The following TXN2 variants were observed in gnomAD, a reference collection of about 807,000 sequenced individuals.
The protein encoded by TXN2 is thioredoxin, mitochondrial.
TXN2 carries 12 observed loss-of-function variants against 14.6 expected under a neutral mutation model. That is an observed-to-expected ratio of 0.82 (90% CI 0.53 to 1.33). The LOEUF (loss-of-function observed/expected upper bound fraction) is 1.33, where lower values mean the gene tolerates loss of function less well. Ranked by LOEUF, TXN2 falls within the 40% of genes most tolerant of loss-of-function variation. The pLI is 0.00. For synonymous variants in TXN2, 89 were observed against 81.0 expected, an observed-to-expected ratio of 1.10 and a Z score of -0.53; for missense variants, 173 against 207.7, an observed-to-expected ratio of 0.83 and a Z score of 1.03.
chr22:36,478,473 C>T lies in TXN2; in HGVS notation c.264-1617G>A, dbSNP rs551865824. ...TTTCACAAACCCCTGGCTGACAACTCCTATTTTATTCTCAGCACTTACTTA... is the reference window on the plus strand; with the variant it reads ...TTTCACAAACCCCTGGCTGACAACTTCTATTTTATTCTCAGCACTTACTTA... On this transcript the variant is annotated intron_variant, in intron 2 of 3. Coordinates refer to ENST00000216185, the MANE Select transcript of TXN2 (RefSeq NM_012473.4). Among the ~76,000 whole-genome samples the T allele has an allele frequency of 3.3e-5, 5 of 152,292 alleles. No homozygotes were observed. In the East Asian group the frequency reaches 9.6e-4, roughly 29 times the overall value.
At chr22:36,474,868 C>G (rs1443398436) in intron 3 of TXN2, among the ~76,000 whole-genome samples, 2 of 152,200 alleles carry the variant, frequency 1.3e-5, no homozygotes, top group Admixed American at 6.5e-5. Flanking sequence ...TCCCCTTTCT[C>G]CAGGTAGTGG....
At position 36,467,647 on chromosome 22, in the gene TXN2, G is replaced by A; in HGVS notation, c.*157C>T. 1.5e-6 allele frequency: 1 copy of A among 655,544 alleles called. No homozygotes were observed. The highest frequency in any genetic ancestry group is 2.7e-6 in the Non-Finnish European group (1 of 369,752). The allele number at this position is 655,544 out of a possible 1,614,324, so 40.6% of individuals were successfully genotyped here. A position where few individuals can be genotyped will look rare whatever the true frequency, so the allele number is the denominator to read the frequency against. On this transcript the variant is annotated 3_prime_UTR_variant, in exon 4 of 4. Coordinates refer to ENST00000216185, the MANE Select transcript of TXN2 (RefSeq NM_012473.4). ...ACCATCCTCTGATGGCCCCTGGGCA[G>A]TCCGCCAGCTCGGAAGCACTCAGGG...
At chr22:36,476,553 T>C (rs1458590365) in intron 3 of TXN2, among the ~76,000 whole-genome samples, 180 bp downstream of exon 3, 1 of 151,928 alleles carries the variant, frequency 6.6e-6, no homozygotes, top group Non-Finnish European at 1.5e-5. Context: ...GATCATGCCA[T>C]TGCACTCTAG....
rs186627101 is a variant in TXN2 at position 36,469,625 on chromosome 22, G to A, written c.388-1708C>T. Among the ~76,000 whole-genome samples, 28 of 152,328 alleles carry A rather than the reference G, an allele frequency of 1.8e-4. No homozygotes were observed. In the East Asian group the frequency reaches 3.5e-3, roughly 19 times the overall value. ...GAGGTCTCTGCTGCCTGGGATCCCTGCCTGGCATTCGTGGGCATTTGAGAA... is the reference window on the plus strand; with the variant it reads ...GAGGTCTCTGCTGCCTGGGATCCCTACCTGGCATTCGTGGGCATTTGAGAA... On this transcript the variant is annotated intron_variant, in intron 3 of 3. Transcript: ENST00000216185.
At chr22:36,474,555 G>A (rs976425150) in intron 3 of TXN2, among the ~76,000 whole-genome samples, 6 of 152,180 alleles carry the variant, frequency 3.9e-5, no homozygotes, top group Non-Finnish European at 8.8e-5. Flanking sequence ...GAAGGAGGGA[G>A]GGGTGAAGGC....
chr22:36,474,425 G>A (rs1045066346), intron 3 of TXN2, among the ~76,000 whole-genome samples: 12 of 152,148 alleles, frequency 7.9e-5, no homozygotes, highest in Admixed American at 3.9e-4. Flanking sequence ...ATTTCTTGCT[G>A]CAGGAGACTG....
intron 3 of TXN2, among the ~76,000 whole-genome samples, chr22:36,471,689 A>C (rs6519008): frequency 0.17 from 26,309 of 152,130 alleles, 3,088 homozygotes; most frequent in African/African-American, 0.33. Flanking sequence ...GTGGTGTAGG[A>C]CAGGCGCGGC....
chr22:36,480,541 G>C (rs774591349), intron 2 of TXN2, 34 bp downstream of exon 2: 2 of 1,600,082 alleles, frequency 1.2e-6, no homozygotes, highest in Non-Finnish European at 1.7e-6. Context: ...TGAACAAGTA[G>C]GACCCTAGTC....
chr22:36,470,962 C>T (rs887111923), intron 3 of TXN2, among the ~76,000 whole-genome samples: 12 of 151,148 alleles, frequency 7.9e-5, no homozygotes, highest in African/African-American at 2.2e-4. Context: ...AACACACACA[C>T]GCATACACAC....
At position 36,481,123 on chromosome 22, in the gene TXN2, T is replaced by C. The variant is rs144150826; in HGVS notation, c.1-286A>G. 6.5e-5 allele frequency: 22 copies of C among 340,844 alleles called. No homozygotes were observed. The East Asian group carries it at 1.1e-3, about 17-fold the overall frequency. 21.1% of individuals were successfully genotyped at this position (340,844 alleles called of 1,614,324 possible). Reference sequence around the variant, plus strand: ...AGGAAGAAACCAACAGATTTAATAATGTATGTAAGGACCAAGTACCTTACA... The same window carrying C: ...AGGAAGAAACCAACAGATTTAATAACGTATGTAAGGACCAAGTACCTTACA... On this transcript the variant is annotated intron_variant, in intron 1 of 3. Transcript: ENST00000216185.
chr22:36,472,807 A>G (rs1407458130), intron 3 of TXN2, among the ~76,000 whole-genome samples: 2 of 152,130 alleles, frequency 1.3e-5, no homozygotes, highest in Non-Finnish European at 2.9e-5. Context: ...ACTGGCAAGC[A>G]GTCTGTGCTG....
At position 36,468,719 on chromosome 22, in the gene TXN2, T is replaced by A. The variant is rs544986768; in HGVS notation, c.388-802A>T. ...CAGCCTGGGTGACAGAGACCCTGCC[T>A]CAAAAAAAAAGAGAAAGATTTGAGT... On this transcript the variant is annotated intron_variant, in intron 3 of 3. Transcript: ENST00000216185. 823 of 425,198 alleles carry A rather than the reference T, an allele frequency of 1.9e-3. 4 individuals are homozygous for A. The highest frequency in any genetic ancestry group is 2.9e-3 in the Non-Finnish European group (628 of 217,948). The allele number at this position is 425,198 out of a possible 1,614,324, so 26.3% of individuals were successfully genotyped here.
intron 1 of TXN2, 102 bp downstream of exon 1, chr22:36,481,462 G>C (rs1289432199): frequency 2.1e-6 from 1 of 469,198 alleles, no homozygotes; most frequent in African/African-American, 2.1e-5. Flanking sequence ...TCTCCGGCGA[G>C]CTAGATCCCC....
chr22:36,478,006 G>A (rs1050216055), intron 2 of TXN2, among the ~76,000 whole-genome samples: 4 of 152,066 alleles, frequency 2.6e-5, no homozygotes, highest in Admixed American at 1.3e-4. Flanking sequence ...GAGTGGTGGT[G>A]TGCGCCTGTA....
At chr22:36,470,280 T>C (rs1385073675) in intron 3 of TXN2, among the ~76,000 whole-genome samples, 2 of 152,204 alleles carry the variant, frequency 1.3e-5, no homozygotes, top group East Asian at 3.9e-4. Flanking sequence ...GTCCTTGTCC[T>C]TGTTAGTGCC....
chr22:36,471,590 A>G (rs1221310831), intron 3 of TXN2, among the ~76,000 whole-genome samples: 2 of 152,092 alleles, frequency 1.3e-5, no homozygotes, highest in African/African-American at 4.8e-5. Flanking sequence ...ACCTCTATAC[A>G]CTATCTCACA....
rs201202626 is a variant in TXN2 at position 36,467,467 on chromosome 22, A to AG, written c.*336_*337insC. ...ACGAGGTTTCAGATTGGAAGGGACC[A>AG]AGATGAGGACCAAGGTGTGGCTGCC... On this transcript the variant is annotated 3_prime_UTR_variant, in exon 4 of 4. Transcript: ENST00000216185. 0.028 allele frequency: 7,506 copies of AG among 272,546 alleles called. 183 individuals are homozygous for AG. Among genetic ancestry groups the AG allele is most frequent in the Non-Finnish European group, 0.04 (5,699 of 141,162 alleles). 16.9% of individuals were successfully genotyped at this position (272,546 alleles called of 1,614,324 possible).
At chr22:36,480,231 T>C (rs1933471540) in intron 2 of TXN2, among the ~76,000 whole-genome samples, 1 of 152,220 alleles carries the variant, frequency 6.6e-6, no homozygotes, top group Non-Finnish European at 1.5e-5. Context: ...CATGGCAGGA[T>C]GTTAACATCA....
chr22:36,477,004 T>TA (rs1933400334), intron 2 of TXN2, 148 bp from the exon 3 acceptor site: 1 of 1,347,300 alleles, frequency 7.4e-7, no homozygotes, highest in Non-Finnish European at 1.0e-6. Flanking sequence ...CAAATGGTAA[T>TA]GCCAGGAGAT....
Sources: gnomAD v4.1 joint callset for allele counts (sites outside exome capture counted in the v4.1 genomes callset) on GRCh38, gnomAD v4.1.1 for gene constraint, MANE v1.5 for transcripts, NCBI Gene and HGNC (gene_info 2026-07-23, HGNC 2026-07-21) for gene names.